PINX1: variants seen among roughly 807,000 people sequenced by gnomAD.
PINX1 encodes the protein PIN2 (TERF1) interacting telomerase inhibitor 1.
A neutral mutation model predicts 25.4 loss-of-function variants in PINX1; 34 were observed. That is an observed-to-expected ratio of 1.34 (90% CI 1.02 to 1.78). The LOEUF is 1.78. Among genes scored for constraint, PINX1 ranks in the 40% most tolerant of loss-of-function variants. The pLI is 0.00. For synonymous variants in PINX1, 197 were observed against 147.7 expected, an observed-to-expected ratio of 1.33 and a Z score of -2.42; for missense variants, 592 against 404.9, an observed-to-expected ratio of 1.46 and a Z score of -3.97.
rs543758012 is a variant in PINX1, at chr8:10,795,903, T to C, written c.471+24290A>G. Among the ~76,000 whole-genome samples, 141 of 152,288 alleles carry C rather than the reference T, an allele frequency of 9.3e-4. 1 individual carries two copies. The highest frequency in any genetic ancestry group is 3.2e-3 in the African/African-American group (135 of 41,562). On this transcript the variant is annotated intron_variant, in intron 6 of 6. Coordinates refer to ENST00000314787, the MANE Select transcript of PINX1 (RefSeq NM_017884.6). ...TTTTTTTTCATGATGCCTAAGCTTC[T>C]GTCCCATTCAACTGAACAAAGCTTT...
intron 6 of PINX1, among the ~76,000 whole-genome samples, chr8:10,778,325 C>T (rs1801476659): frequency 1.3e-5 from 2 of 151,968 alleles, no homozygotes; most frequent in African/African-American, 4.8e-5. Flanking sequence ...TATAAATATG[C>T]TAAATTGATA....
At chr8:10,834,393 T>C (rs546601701) in intron 2 of PINX1, 3 of 398,106 alleles carry the variant, frequency 7.5e-6, no homozygotes, top group African/African-American at 2.1e-5. Context: ...GAGGCTCTAC[T>C]GGAGTCAAGA....
intron 5 of PINX1, among the ~76,000 whole-genome samples, chr8:10,822,453 G>A (rs905922979): frequency 2.0e-5 from 3 of 152,164 alleles, no homozygotes; most frequent in East Asian, 3.9e-4. Flanking sequence ...TCTTCAATGC[G>A]TAACATTTCC....
intron 4 of PINX1, among the ~76,000 whole-genome samples, chr8:10,830,886 C>A (rs115392868): frequency 6.6e-6 from 1 of 152,060 alleles, no homozygotes; most frequent in African/African-American, 2.4e-5. Flanking sequence ...GAAAACAGTA[C>A]GGCAGCTCCT....
rs79668182 is a variant in PINX1, at chr8:10,813,167, T to C, written c.471+7026A>G. ...ATTAATTGGCTTGTTTGTGGGCTTA[T>C]AGTTCTCCCTAACTACAAGGTTCTT... On this transcript the variant is annotated intron_variant, in intron 6 of 6. Transcript: ENST00000314787. Among the ~76,000 whole-genome samples the C allele has an allele frequency of 4.8e-3, 735 of 152,322 alleles. 3 individuals are homozygous for C. Among genetic ancestry groups the C allele is most frequent in the African/African-American group, 0.017 (702 of 41,560 alleles).
chr8:10,827,233 CT>C (rs1317104826), intron 4 of PINX1, among the ~76,000 whole-genome samples: 1 of 152,150 alleles, frequency 6.6e-6, no homozygotes, highest in African/African-American at 2.4e-5. Context: ...AAATGATCAC[CT>C]AAATACAGAT....
At chr8:10,806,966 G>A (rs915079002) in intron 6 of PINX1, among the ~76,000 whole-genome samples, 1 of 152,176 alleles carries the variant, frequency 6.6e-6, no homozygotes, top group Admixed American at 6.5e-5. Flanking sequence ...ATCTGAGAAG[G>A]CTGCCTCTGC....
Position 10,765,923 on chromosome 8 carries a change from T to A in PINX1, c.472-7A>T, listed in dbSNP as rs773584787. ...TGGAGGGACTGGCATCGCCCTATGGTGGGCAGAAGAGTTAAAAGGCAGGTA... is the reference window on the plus strand; with the variant it reads ...TGGAGGGACTGGCATCGCCCTATGGAGGGCAGAAGAGTTAAAAGGCAGGTA... On this transcript the variant is annotated splice_region_variant and splice_polypyrimidine_tract_variant and intron_variant, in intron 6 of 6. Coordinates refer to ENST00000314787, the MANE Select transcript of PINX1 (RefSeq NM_017884.6). 6.2e-6 allele frequency: 10 copies of A among 1,610,668 alleles called. No homozygotes were observed. The African/African-American group carries it at 1.3e-4, about 22-fold the overall frequency.
intron 6 of PINX1, among the ~76,000 whole-genome samples, chr8:10,813,259 G>A (rs9969476): frequency 0.095 from 14,433 of 152,168 alleles, 1,039 homozygotes; most frequent in African/African-American, 0.2. Flanking sequence ...GTGCAGGAAG[G>A]GGGATCCACC....
At chr8:10,817,647 C>G (rs1306457710) in intron 6 of PINX1, among the ~76,000 whole-genome samples, 5 of 152,214 alleles carry the variant, frequency 3.3e-5, no homozygotes, top group African/African-American at 9.7e-5. Flanking sequence ...TAGACGCGAC[C>G]TCCTCAGTGT....
At chr8:10,795,283 T>G (rs988586796) in intron 6 of PINX1, among the ~76,000 whole-genome samples, 6 of 152,234 alleles carry the variant, frequency 3.9e-5, no homozygotes, top group African/African-American at 1.4e-4. Flanking sequence ...AACAGAGGGC[T>G]TGGCTTGCTC....
At chr8:10,814,630 A>T (rs1485188356) in intron 6 of PINX1, among the ~76,000 whole-genome samples, 3 of 152,270 alleles carry the variant, frequency 2.0e-5, no homozygotes, top group Non-Finnish European at 4.4e-5. Context: ...TAGAATGTAG[A>T]TTATGAGTAC....
intron 1 of PINX1, among the ~76,000 whole-genome samples, chr8:10,838,505 TAA>T (rs562303031): frequency 3.9e-5 from 6 of 152,224 alleles, no homozygotes; most frequent in Admixed American, 6.5e-5. Flanking sequence ...ATAAAAATAT[TAA>T]GAGAAGATTT....
Position 10,765,128 on chromosome 8 carries a change from T to C in PINX1, c.*273A>G. 6.9e-6 allele frequency: 3 copies of C among 433,648 alleles called. No individual in the cohort carries two copies. The highest frequency in any genetic ancestry group is 1.2e-5 in the Non-Finnish European group (3 of 244,284). 26.9% of individuals were successfully genotyped at this position (433,648 alleles called of 1,614,324 possible). A position where few individuals can be genotyped will look rare whatever the true frequency, so the allele number is the denominator to read the frequency against. ...CTTACATGAATGCATGTATTTGTAA[T>C]GATTATAATTAAACTCTCTTGCTGA... On this transcript the variant is annotated 3_prime_UTR_variant, in exon 7 of 7. Coordinates refer to ENST00000314787, the MANE Select transcript of PINX1 (RefSeq NM_017884.6).
chr8:10,839,834 T>A lies in PINX1; in HGVS notation c.-78A>T, dbSNP rs72549113. On this transcript the variant is annotated 5_prime_UTR_variant, in exon 1 of 7. Coordinates refer to ENST00000314787, the MANE Select transcript of PINX1 (RefSeq NM_017884.6). ...GGGCGGGCTGGAGACTCCAGGAGAA[T>A]CAGGACGTGCGTAACTCCCTCGCCG... 5 of 1,410,558 alleles carry A rather than the reference T, an allele frequency of 3.5e-6. No homozygotes were observed. The highest frequency in any genetic ancestry group is 4.1e-5 in the Admixed American group (2 of 49,120). The allele number at this position is 1,410,558 out of a possible 1,614,324, so 87.4% of individuals were successfully genotyped here.
chr8:10,817,555 T>C lies in PINX1; in HGVS notation c.471+2638A>G, dbSNP rs117857023. ...GTCATTTTGCTTTATAGAAAGATAC[T>C]CTGTTTGTCTTAAATGTGATTACAT... On this transcript the variant is annotated intron_variant, in intron 6 of 6. Transcript: ENST00000314787. 6.4e-3 allele frequency among the ~76,000 whole-genome samples: 981 copies of C among 152,326 alleles called. 5 individuals carry two copies. Among genetic ancestry groups the C allele is most frequent in the Non-Finnish European group, 0.011 (766 of 68,018 alleles).
At chr8:10,768,642 G>A (rs947491679) in intron 6 of PINX1, among the ~76,000 whole-genome samples, 3 of 152,088 alleles carry the variant, frequency 2.0e-5, no homozygotes, top group Non-Finnish European at 4.4e-5. Flanking sequence ...TTAATGCGGG[G>A]GTAGCCACCC....
At chr8:10,786,587 C>G (rs937509624) in intron 6 of PINX1, among the ~76,000 whole-genome samples, 1 of 152,184 alleles carries the variant, frequency 6.6e-6, no homozygotes, top group Admixed American at 6.5e-5. Flanking sequence ...GGGCTCACCC[C>G]ACAGGGTTGG....
At chr8:10,832,745 A>T (rs1798259924) in intron 3 of PINX1, 147 bp downstream of exon 3, 2 of 527,630 alleles carry the variant, frequency 3.8e-6, no homozygotes, top group Non-Finnish European at 6.9e-6. Flanking sequence ...AGTGCCATGC[A>T]TTCAAAGCGT....
Sources: allele counts gnomAD v4.1 joint callset (sites outside exome capture counted in the v4.1 genomes callset), GRCh38; gene constraint gnomAD v4.1.1; transcripts MANE v1.5; gene names NCBI Gene and HGNC (gene_info 2026-07-23, HGNC 2026-07-21).